The following LAT2 variants were observed in gnomAD, a reference collection of about 807,000 sequenced individuals.
LAT2 encodes the protein linker for activation of T cells family member 2, also known as linker for activation of T-cells family member 2.
Under a neutral mutation model 43.4 loss-of-function variants are expected in LAT2, and 23 were observed. The ratio of observed to expected loss-of-function variants is 0.53; its 90% CI spans 0.38 to 0.75. LAT2 has a LOEUF of 0.75. LAT2 is among the 30% of genes least tolerant of loss of function. The probability of loss-of-function intolerance (pLI) is 0.00; values close to 1 mark genes in which losing one functional copy is unlikely to be tolerated. For synonymous variants in LAT2, 128 were observed against 123.2 expected (o/e 1.04, Z -0.26); for missense variants, 284 against 310.2 (o/e 0.92, Z 0.64).
Position 74,220,543 on chromosome 7 carries a change from G to A in LAT2, c.266-41G>A. 1.9e-6 allele frequency: 3 copies of A among 1,613,264 alleles called. No homozygotes were observed. Among genetic ancestry groups the A allele is most frequent in the Non-Finnish European group, 2.5e-6 (3 of 1,179,550 alleles). On this transcript the variant is annotated intron_variant, in intron 7 of 13. Coordinates refer to ENST00000460943, the MANE Select transcript of LAT2 (RefSeq NM_032464.3). This position sits in a 1 kb window ranked among gnomAD's most constrained non-coding sequence, Gnocchi z 4.5. ...CAGCACCCGAGCTGGGTGCAAAGCA[G>A]GGGCCAGGGGAGAAAGCAATTAGCT...
chr7:74,223,905 C>A (rs1802385343), intron 11 of LAT2, 113 bp from the exon 12 acceptor site: 2 of 1,466,986 alleles, frequency 1.4e-6, no homozygotes, highest in African/African-American at 1.4e-5. Flanking sequence ...GCTCTCGGAT[C>A]CCCAGGTACC....
At chr7:74,214,149 T>TAAATATATATATGAAAATATATATATGA (rs1448616193) in intron 1 of LAT2, among the ~76,000 whole-genome samples, 2 of 94,448 alleles carry the variant, frequency 2.1e-5, no homozygotes, top group Non-Finnish European at 3.8e-5. Flanking sequence ...AAAATATATA[T>TAAATATATATATGAAAATATATATATGA]AAATATATAT....
intron 12 of LAT2, 111 bp downstream of exon 12, chr7:74,224,308 G>C: frequency 8.6e-7 from 1 of 1,163,426 alleles, no homozygotes; most frequent in Non-Finnish European, 1.2e-6. Context: ...AGCTAACCCC[G>C]CAGTGATGCC....
Position 74,220,046 on chromosome 7 carries a change from G to C in LAT2, c.227+38G>C. ...CCCCCAGGAAGTGACAAGAATGAAA[G>C]TCCTGGAGGTCCTCACCTGGTGAGC... On this transcript the variant is annotated intron_variant, in intron 6 of 13. Coordinates refer to ENST00000460943, the MANE Select transcript of LAT2 (RefSeq NM_032464.3). The surrounding 1 kb of genome is among the most constrained non-coding windows in gnomAD (Gnocchi z 4.5). 6.2e-7 allele frequency: 1 copy of C among 1,607,776 alleles called. No homozygotes were observed. Among genetic ancestry groups the C allele is most frequent in the Non-Finnish European group, 8.5e-7 (1 of 1,176,320 alleles).
intron 1 of LAT2, among the ~76,000 whole-genome samples, chr7:74,214,114 AAATATATATATAAATATATATATG>A (rs1554713622): frequency 1.1e-3 from 127 of 111,500 alleles, no homozygotes; most frequent in Non-Finnish European, 1.7e-3. Context: ...ATATATATGA[AAATATATATATAAATATATATATG>A]AAAATATATA....
Position 74,219,986 on chromosome 7 carries a change from CT to C in LAT2, c.206del (p.Leu69ArgfsTer43). 1.2e-6 allele frequency: 2 copies of C among 1,613,662 alleles called. No homozygotes were observed. Among genetic ancestry groups the C allele is most frequent in the Non-Finnish European group, 1.7e-6 (2 of 1,179,988 alleles). On this transcript the variant is annotated frameshift_variant, in exon 6 of 14. Coordinates refer to ENST00000460943, the MANE Select transcript of LAT2 (RefSeq NM_032464.3). LOFTEE classifies it high-confidence loss of function. ...GGTCGGGCAGGCATGGCCAGGACCC[CT>C]GGCGGACATGGCACCCACAAGGTAG... Reference protein sequence around the residue: ...SLVGQAWPGPLADMAPTRKDK... With the variant: ...SLVGQAWPGPXADMAPTRKDK...
rs1198754177 is a variant in LAT2, at chr7:74,214,487, A to AAT, written c.-218-325_-218-324dup. On this transcript the variant is annotated intron_variant, in intron 1 of 13. Transcript: ENST00000460943. ...ATATATATAAATATATATATATGAA[A>AAT]ATATATATATAAATATATATATATG... 2.0e-4 allele frequency among the ~76,000 whole-genome samples: 8 copies of AAT among 39,242 alleles called. 1 individual carries two copies. The highest frequency in any genetic ancestry group is 2.3e-4 in the Non-Finnish European group (6 of 25,612). 25.7% of individuals were successfully genotyped at this position (39,242 alleles called of 152,430 possible).
At chr7:74,213,413 G>GGAGCTCCT (rs1801799935) in intron 1 of LAT2, among the ~76,000 whole-genome samples, 1 of 144,538 alleles carries the variant, frequency 6.9e-6, no homozygotes, top group Non-Finnish European at 1.5e-5. Context: ...GAGCCACTGT[G>GGAGCTCCT]CCCGGCCATT....
chr7:74,212,614 C>T (rs1214115489), intron 1 of LAT2, among the ~76,000 whole-genome samples: 2 of 152,134 alleles, frequency 1.3e-5, no homozygotes, highest in African/African-American at 4.8e-5. Context: ...GCGGGGGGCT[C>T]TCAGGCAGAG....
At chr7:74,213,841 GAGT>G (rs1158174629) in intron 1 of LAT2, among the ~76,000 whole-genome samples, 1 of 151,630 alleles carries the variant, frequency 6.6e-6, no homozygotes, top group East Asian at 1.9e-4. Context: ...GGGTGGGGGA[GAGT>G]GGACACTCGG....
chr7:74,210,841 C>T (rs2116062952), intron 1 of LAT2, among the ~76,000 whole-genome samples: 1 of 152,070 alleles, frequency 6.6e-6, no homozygotes. Context: ...CCAACAGACC[C>T]CAGAGCAGAG....
At position 74,219,957 on chromosome 7, in the gene LAT2, T is replaced by A. The variant is rs1289583696; in HGVS notation, c.179-3T>A. ...CCAACACCCCACTTCTTGCCCTTTG[T>A]AGTGGTCGGGCAGGCATGGCCAGGA... On this transcript the variant is annotated splice_region_variant and splice_polypyrimidine_tract_variant and intron_variant, in intron 5 of 13. Transcript: ENST00000460943. The A allele has an allele frequency of 1.2e-6, 2 of 1,613,432 alleles. No homozygotes were observed. Among genetic ancestry groups the A allele is most frequent in the East Asian group, 4.5e-5 (2 of 44,882 alleles).
chr7:74,215,434 G>A (rs1166133678), intron 2 of LAT2, among the ~76,000 whole-genome samples: 1 of 152,166 alleles, frequency 6.6e-6, no homozygotes, highest in Non-Finnish European at 1.5e-5. Flanking sequence ...GAGGGCTTCC[G>A]GGTGCGTCTG....
intron 3 of LAT2, 73 bp downstream of exon 3, chr7:74,216,142 G>A: frequency 7.7e-7 from 1 of 1,306,800 alleles, no homozygotes. Flanking sequence ...CTCAGGCCCA[G>A]ACGTGGCTGT....
chr7:74,217,339 C>G (rs112859960), intron 4 of LAT2, among the ~76,000 whole-genome samples: 4,909 of 151,940 alleles, frequency 0.032, 278 homozygotes, highest in African/African-American at 0.11. Context: ...GCTGAGGCAG[C>G]AGGATCACTT....
intron 4 of LAT2, 76 bp downstream of exon 4, chr7:74,216,940 AC>A: frequency 7.7e-7 from 1 of 1,295,146 alleles, no homozygotes; most frequent in Non-Finnish European, 1.1e-6. Flanking sequence ...AATTCCTAGC[AC>A]CCCATCCTTC....
At chr7:74,216,160 A>G in intron 3 of LAT2, 91 bp downstream of exon 3, 2 of 1,080,848 alleles carry the variant, frequency 1.9e-6, no homozygotes, top group Non-Finnish European at 2.6e-6. Context: ...TGTGGTCAGA[A>G]GAGGTGGTCA....
intron 9 of LAT2, among the ~76,000 whole-genome samples, chr7:74,221,164 C>T (rs1288043533): frequency 6.6e-6 from 1 of 151,966 alleles, no homozygotes; most frequent in African/African-American, 2.4e-5. Context: ...GCCTGTAATC[C>T]CAGGACTTTG....
rs552833301 is a variant in LAT2, at chr7:74,220,785, C to A, written c.332+51C>A. 2.1e-5 allele frequency: 30 copies of A among 1,432,336 alleles called. No homozygotes were observed. The African/African-American group carries it at 4.1e-4, about 20-fold the overall frequency. The allele number at this position is 1,432,336 out of a possible 1,614,324, so 88.7% of individuals were successfully genotyped here. ...CTGCCTCGCCTCTCCCCCTGCCCCA[C>A]CTCTCCCCCTGCCCCACCTCTCCCC... On this transcript the variant is annotated intron_variant, in intron 9 of 13. Transcript: ENST00000460943. The surrounding 1 kb of genome is among the most constrained non-coding windows in gnomAD (Gnocchi z 4.5).
Sources: allele counts gnomAD v4.1 joint callset (sites outside exome capture counted in the v4.1 genomes callset), GRCh38; gene constraint gnomAD v4.1.1; non-coding constraint Gnocchi (gnomAD v3.1); transcripts MANE v1.5; gene names NCBI Gene and HGNC (gene_info 2026-07-23, HGNC 2026-07-21).